Variants in ADGB observed in about 807,000 individuals in gnomAD.
ADGB encodes the protein androglobin, also known as calpain-7-like protein.
A neutral mutation model predicts 210.5 loss-of-function variants in ADGB; 172 were observed. The observed-to-expected ratio is 0.82, with a 90% CI of 0.72 to 0.93. The LOEUF is 0.93. ADGB is among the 40% of genes least tolerant of loss of function. The pLI, the probability that ADGB is intolerant of heterozygous loss-of-function variation, is 0.00. For missense variants in ADGB, 2,025 were observed against 1,964.8 expected (o/e 1.03, Z -0.58); for synonymous variants, 658 against 662.7 (o/e 0.99, Z 0.11).
In ADGB at chr6:146,672,377, G is replaced by A; in HGVS notation, c.997G>A (p.Gly333Arg). Residue 333 changes from glycine (G) to arginine (R), a missense_variant, in exon 8 of 36, where the codon GGA becomes AGA. Transcript: ENST00000397944. ...EGKEGKEIKD[G>R]KEVKDVKEFK... ...GAAGGAGGGAAAAGAAATAAAGGAT[G>A]GAAAGGAAGTAAAAGACGTGAAGGA... 1.9e-6 allele frequency: 3 copies of A among 1,551,142 alleles called. No homozygotes were observed. Among genetic ancestry groups the A allele is most frequent in the Non-Finnish European group, 2.6e-6 (3 of 1,146,768 alleles).
intron 22 of ADGB, 132 bp downstream of exon 22, chr6:146,734,162 T>A (rs1777045634): frequency 1.0e-6 from 1 of 962,854 alleles, no homozygotes; most frequent in Admixed American, 2.9e-5. Context: ...AATGAAATTA[T>A]TTGAAATCAG....
intron 25 of ADGB, among the ~76,000 whole-genome samples, chr6:146,743,106 T>C (rs1230662887): frequency 6.6e-6 from 1 of 152,218 alleles, no homozygotes; most frequent in African/African-American, 2.4e-5. Context: ...TGAATGTTTG[T>C]TTTTAAAGTT....
At chr6:146,742,600 T>G (rs1382131128) in intron 25 of ADGB, among the ~76,000 whole-genome samples, 1 of 152,214 alleles carries the variant, frequency 6.6e-6, no homozygotes, top group East Asian at 1.9e-4. Context: ...CTTATTGTTT[T>G]TGTTAATTAC....
At chr6:146,655,132 C>T (rs1253295264) in intron 4 of ADGB, among the ~76,000 whole-genome samples, 1 of 152,054 alleles carries the variant, frequency 6.6e-6, no homozygotes, top group Non-Finnish European at 1.5e-5. Context: ...GAAATGAAGT[C>T]TCTTTAACTG....
At chr6:146,678,371 C>T (rs781447856) in intron 9 of ADGB, among the ~76,000 whole-genome samples, 74 of 152,112 alleles carry the variant, frequency 4.9e-4, no homozygotes, top group Non-Finnish European at 9.0e-4. Flanking sequence ...GGACTGCAGG[C>T]GCATGCCATT....
chr6:146,745,820 A>G, intron 25 of ADGB, 102 bp from the exon 26 acceptor site: 1 of 839,252 alleles, frequency 1.2e-6, no homozygotes, highest in East Asian at 2.8e-5. Context: ...TGGGACCTGT[A>G]GGTATATCAT....
At chr6:146,606,558 C>G (rs1780631311) in intron 1 of ADGB, among the ~76,000 whole-genome samples, 1 of 152,048 alleles carries the variant, frequency 6.6e-6, no homozygotes, top group African/African-American at 2.4e-5. Flanking sequence ...GTCTTTAATC[C>G]ACTTCAGTTG....
At chr6:146,609,831 T>C (rs992419609) in intron 1 of ADGB, among the ~76,000 whole-genome samples, 4 of 152,194 alleles carry the variant, frequency 2.6e-5, no homozygotes, top group African/African-American at 9.7e-5. Flanking sequence ...ACTGATGGGA[T>C]TCCCTTTTGG....
chr6:146,798,031 T>A (rs1376699977), intron 33 of ADGB, among the ~76,000 whole-genome samples: 5 of 149,214 alleles, frequency 3.4e-5, no homozygotes, highest in Admixed American at 6.6e-5. Flanking sequence ...AATAAAAAAA[T>A]TTTAATGAGA....
chr6:146,784,903 A>T lies in ADGB; in HGVS notation c.4212+109A>T, dbSNP rs1034233464. On this transcript the variant is annotated intron_variant, in intron 31 of 35. Transcript: ENST00000397944. ...ATATAGCCTGTCCTTTAGTAATGGT[A>T]TCTGAAATTTTATCAGACAGGCATT... 8 of 1,133,216 alleles carry T rather than the reference A, an allele frequency of 7.1e-6. No individual in the cohort carries two copies. In the African/African-American group the frequency reaches 1.1e-4, roughly 16 times the overall value. 70.2% of individuals were successfully genotyped at this position (1,133,216 alleles called of 1,614,324 possible).
intron 10 of ADGB, among the ~76,000 whole-genome samples, chr6:146,688,961 C>G (rs1051450223): frequency 3.9e-5 from 6 of 151,998 alleles, no homozygotes; most frequent in African/African-American, 1.4e-4. Context: ...AAATCAAGAA[C>G]AAAACTCGGG....
At position 146,711,698 on chromosome 6, in the gene ADGB, C is replaced by G. The variant is rs1562280546; in HGVS notation, c.1708-3684C>G. 2.6e-5 allele frequency among the ~76,000 whole-genome samples: 4 copies of G among 151,968 alleles called. No homozygotes were observed. The South Asian group carries it at 8.3e-4, about 32-fold the overall frequency. ...AAAATTGTAAAGGTCTTATTTAATC[C>G]TTTGTCTTTTAATTTTAAGCATTGC... is the stretch of plus-strand genomic sequence containing the variant. On this transcript the variant is annotated intron_variant, in intron 13 of 35. Transcript: ENST00000397944.
intron 4 of ADGB, among the ~76,000 whole-genome samples, chr6:146,655,174 G>A (rs1478801036): frequency 6.6e-6 from 1 of 151,988 alleles, no homozygotes; most frequent in Admixed American, 6.6e-5. Context: ...CCTGCCCCTG[G>A]TCTCAAAGTA....
intron 6 of ADGB, 163 bp downstream of exon 6, chr6:146,664,503 G>C: frequency 1.6e-6 from 1 of 636,170 alleles, no homozygotes; most frequent in South Asian, 3.7e-5. Flanking sequence ...CAAAACCACT[G>C]ATTTTTTCTA....
intron 27 of ADGB, among the ~76,000 whole-genome samples, chr6:146,757,210 T>A (rs1777420407): frequency 6.6e-6 from 1 of 152,062 alleles, no homozygotes. Context: ...ATAGTTATCA[T>A]AAATTATATA....
rs139383822 is a variant in ADGB, at chr6:146,701,932, A to C, written c.1707+862A>C. Among the ~76,000 whole-genome samples the C allele has an allele frequency of 5.1e-4, 77 of 152,080 alleles. No individual in the cohort carries two copies. The East Asian group carries it at 6.9e-3, about 14-fold the overall frequency. Reference sequence around the variant, plus strand: ...AGTAATCAGCTTACATATTCTTGTAAGATATTTGCAACAACTATAATATAA... The same window carrying C: ...AGTAATCAGCTTACATATTCTTGTACGATATTTGCAACAACTATAATATAA... On this transcript the variant is annotated intron_variant, in intron 13 of 35. Transcript: ENST00000397944.
chr6:146,647,592 TG>T (rs1379261981), intron 3 of ADGB, among the ~76,000 whole-genome samples: 14 of 152,106 alleles, frequency 9.2e-5, no homozygotes. Context: ...AGTTATAGTT[TG>T]GGAAAACATT....
rs1777159579 is a variant in ADGB, at chr6:146,741,215, G to C, written c.3121G>C (p.Glu1041Gln). ...ACACATTGTTAATAATGACACAATG[G>C]AGCAAGTGCCAAAGGTGTTCCAAAA... ...ILHIVNNDTM[E>Q]QVPKVFQKVV... The change falls in exon 25 of 36, where the codon GAG becomes CAG. Residue 1041 changes from glutamate (E) to glutamine (Q), a missense_variant. Transcript: ENST00000397944. The C allele has an allele frequency of 1.9e-6, 3 of 1,550,852 alleles. No homozygotes were observed. In the South Asian group the frequency reaches 3.6e-5, roughly 18 times the overall value.
At position 146,612,985 on chromosome 6, in the gene ADGB, A is replaced by G. The variant is rs548266363; in HGVS notation, c.74+13871A>G. On this transcript the variant is annotated intron_variant, in intron 1 of 35. Coordinates refer to ENST00000397944, the MANE Select transcript of ADGB (RefSeq NM_024694.4). ...CCATATCTATGAAGCCATAAAACCA[A>G]CATTTACTTTCCAAGTTGAAAACAA... Among the ~76,000 whole-genome samples, 61 of 152,310 alleles carry G rather than the reference A, an allele frequency of 4.0e-4. 1 individual carries two copies. The highest frequency in any genetic ancestry group is 1.4e-3 in the African/African-American group (60 of 41,578).
Sources: gnomAD v4.1 joint callset for allele counts (sites outside exome capture counted in the v4.1 genomes callset) on GRCh38, gnomAD v4.1.1 for gene constraint, MANE v1.5 for transcripts, NCBI Gene and HGNC (gene_info 2026-07-23, HGNC 2026-07-21) for gene names.